ANKEF1: variants seen among roughly 807,000 people sequenced by gnomAD.
The protein encoded by ANKEF1 is ankyrin repeat and EF-hand domain-containing protein 1.
A neutral mutation model predicts 65.1 loss-of-function variants in ANKEF1; 43 were observed. That is an observed-to-expected ratio of 0.66 (90% CI 0.52 to 0.85). The LOEUF is 0.85. Among genes scored for constraint, ANKEF1 ranks in the 40% least tolerant of loss-of-function variants. The probability of loss-of-function intolerance (pLI) is 0.00; values close to 1 mark genes in which losing one functional copy is unlikely to be tolerated. For synonymous variants in ANKEF1, 316 were observed against 341.5 expected (o/e 0.93, Z 0.82); for missense variants, 934 against 952.9 (o/e 0.98, Z 0.26).
At chr20:10,038,230 G>T in intron 2 of ANKEF1, 28 bp from the exon 3 acceptor site, 1 of 938,934 alleles carries the variant, frequency 1.1e-6, no homozygotes, top group Non-Finnish European at 1.5e-6. Context: ...AATTAACTTT[G>T]AGTTATTTTT....
intron 2 of ANKEF1, among the ~76,000 whole-genome samples, chr20:10,036,126 TGCTGC>T (rs1234115309): frequency 1.3e-5 from 2 of 152,190 alleles, no homozygotes; most frequent in African/African-American, 4.8e-5. Flanking sequence ...CTATACAGGG[TGCTGC>T]CCTCTCCCCA....
rs1422045619 is a variant in ANKEF1 at position 10,049,812 on chromosome 20, A to G, written c.1243A>G (p.Lys415Glu). The change falls in exon 7 of 11, where the codon AAA (lysine) becomes GAA (glutamate). Residue 415 changes from lysine to glutamate, a missense_variant. Physicochemically the swap from Lys to Glu is moderately conservative, Grantham distance 56 (BLOSUM62 1). Coordinates refer to ENST00000378392, the MANE Select transcript of ANKEF1 (RefSeq NM_022096.6). The stretch of plus-strand genomic sequence containing the variant: ...TGTCTTAGGATCGTATGGACCTAAG[A>G]AAAAGGAAAAAGGGATGGGCAAAAA... Reference protein sequence around the residue: ...SFVLGSYGPKKKEKGMGKKGK... With the variant: ...SFVLGSYGPKEKEKGMGKKGK... 12 of 1,614,026 alleles carry G rather than the reference A, an allele frequency of 7.4e-6. No individual in the cohort carries two copies. The highest frequency in any genetic ancestry group is 5.3e-5 in the African/African-American group (4 of 74,930).
chr20:10,040,367 A>C (rs564895939), intron 3 of ANKEF1, among the ~76,000 whole-genome samples: 1 of 152,334 alleles, frequency 6.6e-6, no homozygotes, highest in East Asian at 1.9e-4. Context: ...CTCACTGTAC[A>C]TCGTTCCTAA....
rs752017095 is a variant in ANKEF1, at chr20:10,044,499, A to G, written c.652A>G (p.Arg218Gly). 2 of 1,614,174 alleles carry G rather than the reference A, an allele frequency of 1.2e-6. No homozygotes were observed. Among genetic ancestry groups the G allele is most frequent in the Non-Finnish European group, 1.7e-6 (2 of 1,180,004 alleles). The change falls in exon 5 of 11, where the codon AGG becomes GGG. Residue 218 changes from arginine to glycine, a missense_variant. Arg to Gly is a moderately radical substitution (Grantham distance 125). Transcript: ENST00000378392. ...GGEVNAFDND[R>G]HHAAHFAAKG... ...TGAAGTGAATGCATTTGACAACGACAGGCATCACGCTGCTCATTTTGCTGC... is the reference window on the plus strand; with the variant it reads ...TGAAGTGAATGCATTTGACAACGACGGGCATCACGCTGCTCATTTTGCTGC...
intron 2 of ANKEF1, among the ~76,000 whole-genome samples, chr20:10,036,538 A>G (rs1983868861): frequency 6.6e-6 from 1 of 152,182 alleles, no homozygotes. Flanking sequence ...CGCATGTTAT[A>G]AACAGATTAA....
chr20:10,036,879 G>A (rs747134501), intron 2 of ANKEF1, among the ~76,000 whole-genome samples: 3 of 152,150 alleles, frequency 2.0e-5, no homozygotes, highest in East Asian at 3.9e-4. Context: ...GACACCAGGG[G>A]AGTGTGTGAG....
In ANKEF1 at chr20:10,041,224, ATG is replaced by A. The variant is rs200412368; in HGVS notation, c.347-1892_347-1891del. Among the ~76,000 whole-genome samples the A allele has an allele frequency of 5.9e-3, 902 of 151,884 alleles. 5 individuals carry two copies. The highest frequency in any genetic ancestry group is 0.021 in the African/African-American group (879 of 41,472). ...ATAGATTTGTTTTACTTTGCTGTAT[ATG>A]TGTGTTTTTCTTTATATGCTTGTAA... On this transcript the variant is annotated intron_variant, in intron 3 of 10. Transcript: ENST00000378392.
At chr20:10,052,009 C>G in intron 8 of ANKEF1, 120 bp downstream of exon 8, 1 of 729,706 alleles carries the variant, frequency 1.4e-6, no homozygotes, top group East Asian at 2.7e-5. Context: ...GGTACAAACA[C>G]AAGCCTGAGT....
Position 10,053,163 on chromosome 20 carries a change from A to G in ANKEF1, c.1922A>G (p.Asp641Gly), listed in dbSNP as rs761780686. 9 of 1,611,806 alleles carry G rather than the reference A, an allele frequency of 5.6e-6. No homozygotes were observed. The East Asian group carries it at 1.8e-4, about 32-fold the overall frequency. Residue 641 changes from aspartate to glycine, a missense_variant, in exon 9 of 11, where the codon GAT becomes GGT. By Grantham distance (94) the Asp-to-Gly change is moderately conservative. Coordinates refer to ENST00000378392, the MANE Select transcript of ANKEF1 (RefSeq NM_022096.6). ...AKAYADYRII[D>G]LIKEKLDNLP... ...GCATATGCTGATTATAGAATAATTG[A>G]TCTGATTAAAGAAAAGCTAGATAAC...
intron 6 of ANKEF1, among the ~76,000 whole-genome samples, chr20:10,047,772 ATCT>A (rs980708541): frequency 1.3e-5 from 2 of 152,246 alleles, no homozygotes; most frequent in Admixed American, 1.3e-4. Flanking sequence ...GAATGAATAG[ATCT>A]TTATTTACTA....
chr20:10,043,652 C>CTTTTTTTTTTTTTTTTTTT (rs374135080), intron 4 of ANKEF1, among the ~76,000 whole-genome samples: 4 of 81,372 alleles, frequency 4.9e-5, no homozygotes, highest in Admixed American at 1.7e-4. Flanking sequence ...TTTTCTTTTC[C>CTTTTTTTTTTTTTTTTTTT]TTTTTTTTTT....
intron 3 of ANKEF1, among the ~76,000 whole-genome samples, chr20:10,040,070 A>G (rs117974525): frequency 0.014 from 2,119 of 152,366 alleles, 17 homozygotes; most frequent in Non-Finnish European, 0.022. Context: ...TGCAACAGGC[A>G]TATGGCTAAA....
intron 4 of ANKEF1, 58 bp from the exon 5 acceptor site, chr20:10,044,336 C>T: frequency 6.4e-7 from 1 of 1,567,428 alleles, no homozygotes; most frequent in Non-Finnish European, 8.7e-7. Flanking sequence ...TGTACTGATT[C>T]TGCTACTTAA....
chr20:10,055,969 AT>A lies in ANKEF1; in HGVS notation c.*316del, dbSNP rs1959336438. The A allele has an allele frequency of 4.7e-6, 1 of 213,162 alleles. No homozygotes were observed. The allele number at this position is 213,162 out of a possible 1,614,324, so 13.2% of individuals were successfully genotyped here. A position where few individuals can be genotyped will look rare whatever the true frequency, so the allele number is the denominator to read the frequency against. ...CCAGGTCTACACCATTATGCTTATT[AT>A]TTTTTTAATTATCCTTTTTATTTAT... On this transcript the variant is annotated 3_prime_UTR_variant, in exon 11 of 11. Transcript: ENST00000378392.
intron 2 of ANKEF1, among the ~76,000 whole-genome samples, chr20:10,036,469 C>T (rs919850410): frequency 2.6e-5 from 4 of 152,148 alleles, no homozygotes; most frequent in Non-Finnish European, 4.4e-5. Flanking sequence ...GTCACCAAGC[C>T]GTGCAGCAAA....
chr20:10,050,099 G>A lies in ANKEF1; in HGVS notation c.1530G>A (p.Lys510=). The change falls in exon 7 of 11, where the codon AAG becomes AAA. Residue 510 remains lysine (K), a synonymous_variant. Transcript: ENST00000378392. ...TKAGDLASLK[K]AFESGIPVDM... Reference sequence around the variant, plus strand: ...CAGGGGATCTGGCTTCTCTGAAAAAGGCCTTTGAATCAGGAATACCTGTGG... The same window carrying A: ...CAGGGGATCTGGCTTCTCTGAAAAAAGCCTTTGAATCAGGAATACCTGTGG... 1.2e-6 allele frequency: 2 copies of A among 1,614,080 alleles called. No homozygotes were observed. The highest frequency in any genetic ancestry group is 8.5e-7 in the Non-Finnish European group (1 of 1,180,004).
chr20:10,037,038 T>G (rs926911473), intron 2 of ANKEF1, among the ~76,000 whole-genome samples: 3 of 151,922 alleles, frequency 2.0e-5, no homozygotes, highest in Non-Finnish European at 4.4e-5. Context: ...AGAGACACAT[T>G]TAAAGGAGAG....
Position 10,054,341 on chromosome 20 carries a change from A to G in ANKEF1, c.2035-121A>G, listed in dbSNP as rs1985026474. On this transcript the variant is annotated intron_variant, in intron 9 of 10. Transcript: ENST00000378392. ...ATATACTATTTTATCTCAAATTATA[A>G]CTTGTACAGTAGCATTTTTAGGTTT... is the stretch of plus-strand genomic sequence containing the variant. 17 of 728,946 alleles carry G rather than the reference A, an allele frequency of 2.3e-5. No individual in the cohort carries two copies. The South Asian group carries it at 4.3e-4, about 18-fold the overall frequency. The allele number at this position is 728,946 out of a possible 1,614,324, so 45.2% of individuals were successfully genotyped here.
At chr20:10,047,733 T>C (rs1984600870) in intron 6 of ANKEF1, among the ~76,000 whole-genome samples, 1 of 152,138 alleles carries the variant, frequency 6.6e-6, no homozygotes, top group African/African-American at 2.4e-5. Context: ...TTGAACAACT[T>C]TACCACAGAG....
Sources: gnomAD v4.1 joint callset for allele counts (sites outside exome capture counted in the v4.1 genomes callset) on GRCh38, gnomAD v4.1.1 for gene constraint, MANE v1.5 for transcripts, NCBI Gene and HGNC (gene_info 2026-07-23, HGNC 2026-07-21) for gene names.